TMEM132D: variants seen among roughly 807,000 people sequenced by gnomAD.
TMEM132D encodes the protein transmembrane protein 132D.
A neutral mutation model predicts 62.3 loss-of-function variants in TMEM132D; 21 were observed. The observed-to-expected ratio is 0.34, with a 90% CI of 0.24 to 0.49. TMEM132D has a LOEUF of 0.49. TMEM132D is among the 20% of genes least tolerant of loss of function. The pLI, the probability that TMEM132D is intolerant of heterozygous loss-of-function variation, is 0.99. For missense variants in TMEM132D, 1,346 were observed against 1,402.8 expected, an observed-to-expected ratio of 0.96 and a Z score of 0.65; for synonymous variants, 621 against 575.6, an observed-to-expected ratio of 1.08 and a Z score of -1.13.
chr12:129,672,994 C>T (rs535045712), intron 2 of TMEM132D, among the ~76,000 whole-genome samples: 8 of 152,264 alleles, frequency 5.3e-5, no homozygotes, highest in East Asian at 3.9e-4. Context: ...GTGATCTGCC[C>T]GCCACAGCCT....
At chr12:129,242,764 TTTC>T (rs891310278) in intron 4 of TMEM132D, among the ~76,000 whole-genome samples, 1 of 152,380 alleles carries the variant, frequency 6.6e-6, no homozygotes, top group South Asian at 2.1e-4. Flanking sequence ...CGCACTATTT[TTTC>T]TTATTTTCGG....
At chr12:129,481,217 G>A (rs1399339373) in intron 3 of TMEM132D, among the ~76,000 whole-genome samples, 2 of 152,094 alleles carry the variant, frequency 1.3e-5, no homozygotes, top group Non-Finnish European at 2.9e-5. Context: ...GGGCACGGTG[G>A]CTCACACTTG....
intron 5 of TMEM132D, among the ~76,000 whole-genome samples, chr12:129,150,082 G>T (rs1281174854): frequency 6.6e-6 from 1 of 152,246 alleles, no homozygotes; most frequent in Non-Finnish European, 1.5e-5. Flanking sequence ...TGCAGAGAAG[G>T]GTCATCGTGT....
chr12:129,077,828 CACAAA>C (rs1177944893), intron 8 of TMEM132D, among the ~76,000 whole-genome samples: 5 of 152,114 alleles, frequency 3.3e-5, no homozygotes, highest in African/African-American at 9.6e-5. Context: ...CAACACACAA[CACAAA>C]ACAAGCAACA....
intron 2 of TMEM132D, among the ~76,000 whole-genome samples, chr12:129,581,066 T>C (rs1565911232): frequency 6.6e-6 from 1 of 152,216 alleles, no homozygotes; most frequent in African/African-American, 2.4e-5. Context: ...GCAGGGGTCA[T>C]GGTGGCTTGG....
At chr12:129,550,103 G>C (rs2137104970) in intron 2 of TMEM132D, among the ~76,000 whole-genome samples, 1 of 152,304 alleles carries the variant, frequency 6.6e-6, no homozygotes, top group Non-Finnish European at 1.5e-5. Context: ...GAGACAAATT[G>C]ACCTGGTTGT....
intron 3 of TMEM132D, among the ~76,000 whole-genome samples, chr12:129,404,597 C>T (rs571216615): frequency 3.2e-4 from 49 of 152,260 alleles, no homozygotes; most frequent in African/African-American, 1.1e-3. Context: ...GTGGAGGACT[C>T]GGGAAGCTCC....
At chr12:129,404,799 A>G (rs1566058631) in intron 3 of TMEM132D, among the ~76,000 whole-genome samples, 1 of 151,968 alleles carries the variant, frequency 6.6e-6, no homozygotes, top group South Asian at 2.1e-4. Context: ...ATCTGTCCCC[A>G]CGATCTGATC....
In TMEM132D at chr12:129,527,842, T is replaced by C. The variant is rs575860266; in HGVS notation, c.1115+3217A>G. 1.2e-4 allele frequency among the ~76,000 whole-genome samples: 18 copies of C among 152,372 alleles called. No individual in the cohort carries two copies. The South Asian group carries it at 2.3e-3, about 19-fold the overall frequency. Reference sequence around the variant, plus strand: ...TAACATTCACATGTTCATACTGTTATGATCAGATTCTCAGCAACCTAACTT... The same window carrying C: ...TAACATTCACATGTTCATACTGTTACGATCAGATTCTCAGCAACCTAACTT... On this transcript the variant is annotated intron_variant, in intron 3 of 8. Coordinates refer to ENST00000422113, the MANE Select transcript of TMEM132D (RefSeq NM_133448.3).
intron 4 of TMEM132D, among the ~76,000 whole-genome samples, chr12:129,299,752 C>G (rs1461417623): frequency 6.6e-6 from 1 of 151,708 alleles, no homozygotes; most frequent in African/African-American, 2.4e-5. Flanking sequence ...GACAATTACA[C>G]CATTTCAGAC....
At chr12:129,820,801 C>CT (rs1274508829) in intron 1 of TMEM132D, among the ~76,000 whole-genome samples, 1 of 152,176 alleles carries the variant, frequency 6.6e-6, no homozygotes, top group Non-Finnish European at 1.5e-5. Flanking sequence ...GTTGCCCAGG[C>CT]TGGCCTCAAA....
intron 5 of TMEM132D, among the ~76,000 whole-genome samples, chr12:129,089,646 G>T (rs1471198007): frequency 4.0e-5 from 6 of 148,232 alleles, no homozygotes; most frequent in African/African-American, 1.5e-4. Context: ...CTTAGAGGGG[G>T]ATGTAAGGGG....
Position 129,700,652 on chromosome 12 carries a change from C to G in TMEM132D, c.126G>C (p.Leu42Phe), listed in dbSNP as rs756339901. 1 of 1,613,612 alleles carries G rather than the reference C, an allele frequency of 6.2e-7. No homozygotes were observed. The highest frequency in any genetic ancestry group is 1.3e-5 in the African/African-American group (1 of 74,864). The change falls in exon 2 of 9, where the codon TTG (leucine) becomes TTC (phenylalanine). Residue 42 changes from leucine to phenylalanine, a missense_variant. Leu to Phe is a conservative substitution (Grantham distance 22). Coordinates refer to ENST00000422113, the MANE Select transcript of TMEM132D (RefSeq NM_133448.3). ...GILESIQRFS[L>F]LPTYLPVTYH... The stretch of plus-strand genomic sequence containing the variant: ...AGGTCACGGGGAGGTAGGTGGGCAG[C>G]AAGGAAAACCTCTGGATGCTCTCAA...
intron 2 of TMEM132D, among the ~76,000 whole-genome samples, chr12:129,665,743 T>C (rs1311302493): frequency 1.3e-5 from 2 of 152,162 alleles, no homozygotes; most frequent in African/African-American, 2.4e-5. Flanking sequence ...TTTTATACTA[T>C]AGAAAACATG....
rs79270284 is a variant in TMEM132D at position 129,423,651 on chromosome 12, G to A, written c.1116-85834C>T. 1.8e-3 allele frequency among the ~76,000 whole-genome samples: 271 copies of A among 152,254 alleles called. 2 individuals carry two copies. The highest frequency in any genetic ancestry group is 6.2e-3 in the African/African-American group (257 of 41,550). ...AGGTAGGCATTCTATGACGGGAAAGGGAAGCGCTTGTACTCATGAGTAGAA... is the reference window on the plus strand; with the variant it reads ...AGGTAGGCATTCTATGACGGGAAAGAGAAGCGCTTGTACTCATGAGTAGAA... On this transcript the variant is annotated intron_variant, in intron 3 of 8. Transcript: ENST00000422113.
At chr12:129,151,472 G>A (rs755920776) in intron 5 of TMEM132D, among the ~76,000 whole-genome samples, 13 of 152,306 alleles carry the variant, frequency 8.5e-5, no homozygotes, top group South Asian at 4.1e-4. Flanking sequence ...CATCACACCC[G>A]TCTTGTCTCC....
At chr12:129,654,280 G>A (rs763254391) in intron 2 of TMEM132D, among the ~76,000 whole-genome samples, 3 of 59,568 alleles carry the variant, frequency 5.0e-5, no homozygotes, top group Non-Finnish European at 1.1e-4. Flanking sequence ...TCACTCTCTC[G>A]TGTGTGTGTG....
chr12:129,209,722 G>T, intron 4 of TMEM132D, 59 bp from the exon 5 acceptor site: 1 of 1,596,652 alleles, frequency 6.3e-7, no homozygotes, highest in Non-Finnish European at 8.6e-7. Flanking sequence ...CAGTCCCTGG[G>T]AGTATGCCGC....
chr12:129,674,037 T>G (rs1160721628), intron 2 of TMEM132D, among the ~76,000 whole-genome samples: 1 of 152,094 alleles, frequency 6.6e-6, no homozygotes, highest in Non-Finnish European at 1.5e-5. Flanking sequence ...AAGACTGAAA[T>G]CAGTGCCTCC....
Sources: allele counts gnomAD v4.1 joint callset (sites outside exome capture counted in the v4.1 genomes callset), GRCh38; gene constraint gnomAD v4.1.1; transcripts MANE v1.5; gene names NCBI Gene and HGNC (gene_info 2026-07-23, HGNC 2026-07-21).